The following PRIM2 variants were observed in gnomAD, a reference collection of about 807,000 sequenced individuals.
PRIM2 encodes DNA primase subunit 2, also known as DNA primase large subunit.
PRIM2 carries 39 observed loss-of-function variants against 67.3 expected under a neutral mutation model. The ratio of observed to expected loss-of-function variants is 0.58; its 90% CI spans 0.45 to 0.76. PRIM2 has a LOEUF of 0.76. PRIM2 is among the 30% of genes least tolerant of loss of function. The pLI, the probability that PRIM2 is intolerant of heterozygous loss-of-function variation, is 0.00. For synonymous variants in PRIM2, 143 were observed against 198.7 expected, an observed-to-expected ratio of 0.72 and a Z score of 2.36; for missense variants, 398 against 598.7, an observed-to-expected ratio of 0.66 and a Z score of 3.50.
At chr6:57,230,103 A>G in the PRIM2 span, among the ~76,000 whole-genome samples, 1 of 152,248 alleles carries the variant, frequency 6.6e-6, no homozygotes, top group African/African-American at 2.4e-5. Flanking sequence ...TAGGTAGCAT[A>G]AATTCAGAAA....
chr6:57,474,084 A>G (rs1773405950), intron 7 of PRIM2, among the ~76,000 whole-genome samples: 1 of 148,608 alleles, frequency 6.7e-6, no homozygotes, highest in Non-Finnish European at 1.5e-5. Context: ...AGGAAGCATG[A>G]TTAAGTATAG....
chr6:57,641,554 A>G (rs1777233858), intron 13 of PRIM2, among the ~76,000 whole-genome samples: 1 of 152,224 alleles, frequency 6.6e-6, no homozygotes, highest in Non-Finnish European at 1.5e-5. Flanking sequence ...AAACAATCCC[A>G]TCAAAAAGTG....
intron 5 of PRIM2, among the ~76,000 whole-genome samples, chr6:57,355,785 T>G (rs7754364): frequency 1.3e-5 from 2 of 152,104 alleles, no homozygotes; most frequent in East Asian, 3.9e-4. Context: ...TACAGGCATG[T>G]GTCACCACGT....
intron 10 of PRIM2, among the ~76,000 whole-genome samples, chr6:57,565,781 A>G (rs1775724612): frequency 6.6e-6 from 1 of 152,176 alleles, no homozygotes; most frequent in Admixed American, 6.5e-5. Flanking sequence ...ATACCTATAC[A>G]CAGCAGTATG....
At chr6:57,274,811 C>T in the PRIM2 span, among the ~76,000 whole-genome samples, 1 of 152,164 alleles carries the variant, frequency 6.6e-6, no homozygotes, top group African/African-American at 2.4e-5. Flanking sequence ...GAGTCTTCCT[C>T]TATTGCCCAG....
At chr6:57,288,113 G>C in the PRIM2 span, among the ~76,000 whole-genome samples, 3 of 152,196 alleles carry the variant, frequency 2.0e-5, no homozygotes, top group Non-Finnish European at 4.4e-5. Flanking sequence ...GGCAGACCAG[G>C]AAATTCCCTT....
intron 7 of PRIM2, among the ~76,000 whole-genome samples, chr6:57,462,132 A>G (rs1251334113): frequency 6.6e-6 from 1 of 152,222 alleles, no homozygotes; most frequent in Non-Finnish European, 1.5e-5. Flanking sequence ...AGTAAGTCAA[A>G]ATGAGTGCAG....
At chr6:57,397,896 ATT>A (rs35064816) in intron 7 of PRIM2, among the ~76,000 whole-genome samples, 3 of 118,790 alleles carry the variant, frequency 2.5e-5, no homozygotes, top group Admixed American at 8.9e-5. Flanking sequence ...GATCTTTCTA[ATT>A]TTTTTTTTTT....
At chr6:57,590,622 T>C (rs1171827174) in intron 10 of PRIM2, among the ~76,000 whole-genome samples, 1 of 152,016 alleles carries the variant, frequency 6.6e-6, no homozygotes, top group Non-Finnish European at 1.5e-5. Flanking sequence ...AGTGAGGAAT[T>C]TGATCAGATA....
chr6:57,422,158 CTTTT>C (rs575958629), intron 7 of PRIM2, among the ~76,000 whole-genome samples: 1 of 103,318 alleles, frequency 9.7e-6, no homozygotes, highest in Admixed American at 1.1e-4. Context: ...TCTTTTCTTT[CTTTT>C]TTTTTTTTTT....
intron 7 of PRIM2, among the ~76,000 whole-genome samples, chr6:57,487,175 G>C (rs1437864509): frequency 6.6e-6 from 1 of 152,150 alleles, no homozygotes; most frequent in African/African-American, 2.4e-5. Flanking sequence ...ATTGGAATAA[G>C]CACTCGATTT....
chr6:57,250,212 C>G, the PRIM2 span, among the ~76,000 whole-genome samples: 1 of 152,152 alleles, frequency 6.6e-6, no homozygotes, highest in Admixed American at 6.5e-5. Flanking sequence ...GCTATTTCTT[C>G]AATATGTGAA....
chr6:57,431,906 G>C (rs1366894338), intron 7 of PRIM2, among the ~76,000 whole-genome samples: 1 of 152,004 alleles, frequency 6.6e-6, no homozygotes, highest in Non-Finnish European at 1.5e-5. Context: ...TATATATTTT[G>C]GACTTAGTAA....
chr6:57,327,952 T>C (rs1282407238), intron 5 of PRIM2, among the ~76,000 whole-genome samples: 2 of 152,028 alleles, frequency 1.3e-5, no homozygotes, highest in African/African-American at 2.4e-5. Context: ...TCATAAGGAG[T>C]GCACATCTTA....
At chr6:57,451,040 A>T (rs1324479008) in intron 7 of PRIM2, among the ~76,000 whole-genome samples, 1 of 152,124 alleles carries the variant, frequency 6.6e-6, no homozygotes, top group Non-Finnish European at 1.5e-5. Context: ...CCTTGATGAT[A>T]TTTAGTAGGA....
the PRIM2 span, among the ~76,000 whole-genome samples, chr6:57,254,812 A>G: frequency 1.3e-5 from 2 of 152,178 alleles, no homozygotes; most frequent in Non-Finnish European, 2.9e-5. Flanking sequence ...AGGATTAAGT[A>G]AATTTACCGA....
At chr6:57,566,330 T>C (rs1477446560) in intron 10 of PRIM2, among the ~76,000 whole-genome samples, 1 of 152,150 alleles carries the variant, frequency 6.6e-6, no homozygotes, top group Non-Finnish European at 1.5e-5. Flanking sequence ...ACCCTCTGTT[T>C]TGTTAAGTTC....
chr6:57,482,506 G>A (rs1267642676), intron 7 of PRIM2, among the ~76,000 whole-genome samples: 8 of 152,140 alleles, frequency 5.3e-5, no homozygotes, highest in African/African-American at 1.9e-4. Flanking sequence ...GCTGAGGGCA[G>A]TTTCAGTTCA....
At chr6:57,375,800 A>C (rs1433624067) in intron 5 of PRIM2, among the ~76,000 whole-genome samples, 1 of 151,766 alleles carries the variant, frequency 6.6e-6, no homozygotes, top group Non-Finnish European at 1.5e-5. Context: ...GTTTGGGTAT[A>C]ATGGTTTATG....
Sources: allele counts gnomAD v4.1 joint callset (sites outside exome capture counted in the v4.1 genomes callset), GRCh38; gene constraint gnomAD v4.1.1; transcripts MANE v1.5; gene names NCBI Gene and HGNC (gene_info 2026-07-23, HGNC 2026-07-21).